PNPLA7: variants seen among roughly 807,000 people sequenced by gnomAD.
PNPLA7 encodes the protein patatin-like phospholipase domain-containing protein 7.
Under a neutral mutation model 161.7 loss-of-function variants are expected in PNPLA7, and 153 were observed. The ratio of observed to expected loss-of-function variants is 0.95; its 90% CI spans 0.83 to 1.08. PNPLA7 has a LOEUF of 1.08. PNPLA7 is among the 50% of genes least tolerant of loss of function. The probability of loss-of-function intolerance (pLI) is 0.00; values close to 1 mark genes in which losing one functional copy is unlikely to be tolerated. For synonymous variants in PNPLA7, 809 were observed against 782.1 expected (o/e 1.03, Z -0.57); for missense variants, 1,739 against 1,856.6 (o/e 0.94, Z 1.16).
chr9:137,508,836 T>A (rs1834053129), intron 12 of PNPLA7: 1 of 152,158 alleles, frequency 6.6e-6, no homozygotes, highest in Admixed American at 6.5e-5. Context: ...ATATACATAC[T>A]TGACAAAGGA....
rs767607961 is a variant in PNPLA7, at chr9:137,500,839, C to T, written c.1609G>A (p.Gly537Ser). The change falls in exon 16 of 35, where the codon GGC becomes AGC. Residue 537 changes from glycine to serine, a missense_variant. Physicochemically the swap from Gly to Ser is moderately conservative, Grantham distance 56 (BLOSUM62 0). Coordinates refer to ENST00000406427, the MANE Select transcript of PNPLA7 (RefSeq NM_001098537.3). This position sits in a 1 kb window ranked among gnomAD's most constrained non-coding sequence, Gnocchi z 5.5. ...AACAAGCAGGTGTCCTCCTGGCTGC[C>T]GATCTTCCGCTGGTACACGTGCAGC... ...GLLHVYQRKI[G>S]SQEDTCLFLT... is the part of the protein sequence containing the mutation. 1.8e-5 allele frequency: 28 copies of T among 1,598,982 alleles called. No individual in the cohort carries two copies. Among genetic ancestry groups the T allele is most frequent in the South Asian group, 2.3e-5 (2 of 88,742 alleles).
chr9:137,548,040 A>G (rs773669139), intron 1 of PNPLA7, among the ~76,000 whole-genome samples: 1 of 152,140 alleles, frequency 6.6e-6, no homozygotes, highest in Admixed American at 6.5e-5. Flanking sequence ...CAAAACCCCT[A>G]TGAGCCATCT....
intron 1 of PNPLA7, among the ~76,000 whole-genome samples, chr9:137,549,211 A>G (rs1026418566): frequency 2.6e-5 from 4 of 152,116 alleles, no homozygotes; most frequent in African/African-American, 9.7e-5. Flanking sequence ...GGCTGGGCAC[A>G]GTGTCTCACG....
chr9:137,509,802 C>CA (rs1834121995), intron 12 of PNPLA7: 2 of 450,436 alleles, frequency 4.4e-6, no homozygotes, highest in Non-Finnish European at 9.0e-6. Flanking sequence ...AGGCAAGAGA[C>CA]AGAGGACACG....
rs1831542724 is a variant in PNPLA7, at chr9:137,467,713, CAG to C, written c.2883-242_2883-241del. ...AGGAGTTCGAGACCAGCCTGGCCAA[CAG>C]GGCAAAATTCCATCTCTACTAAAAA... On this transcript the variant is annotated intron_variant, in intron 25 of 34. Coordinates refer to ENST00000406427, the MANE Select transcript of PNPLA7 (RefSeq NM_001098537.3). This position sits in a 1 kb window ranked among gnomAD's most constrained non-coding sequence, Gnocchi z 5.1. Among the ~76,000 whole-genome samples the C allele has an allele frequency of 6.6e-6, 1 of 152,212 alleles. No individual in the cohort carries two copies. Among genetic ancestry groups the C allele is most frequent in the South Asian group, 2.1e-4 (1 of 4,830 alleles).
At chr9:137,502,369 C>A (rs529041965) in intron 14 of PNPLA7, among the ~76,000 whole-genome samples, 2 of 151,974 alleles carry the variant, frequency 1.3e-5, no homozygotes, top group East Asian at 2.0e-4. Context: ...GGAAAATGAT[C>A]GAAAAACAAA....
intron 33 of PNPLA7, 75 bp downstream of exon 33, chr9:137,461,461 T>TGGGGGGGGGGGGGGGCTGGGGGGGG: frequency 1.7e-6 from 2 of 1,189,066 alleles, no homozygotes; most frequent in East Asian, 4.0e-5. Flanking sequence ...GCCTCTGGGG[T>TGGGGGGGGGGGGGGGCTGGGGGGGG]GGGGGGGTTC....
At chr9:137,473,722 G>A (rs28688977) in intron 25 of PNPLA7, among the ~76,000 whole-genome samples, 3,970 of 152,276 alleles carry the variant, frequency 0.026, 179 homozygotes, top group African/African-American at 0.087. Context: ...ATCAGTCATC[G>A]GAGGGATGCA....
Position 137,540,831 on chromosome 9 carries a change from G to A in PNPLA7, c.667-109C>T, listed in dbSNP as rs1408748280. The A allele has an allele frequency of 3.3e-6, 3 of 909,838 alleles. No individual in the cohort carries two copies. The highest frequency in any genetic ancestry group is 3.4e-6 in the Non-Finnish European group (2 of 579,722). The allele number at this position is 909,838 out of a possible 1,614,324, so 56.4% of individuals were successfully genotyped here. On this transcript the variant is annotated intron_variant, in intron 7 of 34. Coordinates refer to ENST00000406427, the MANE Select transcript of PNPLA7 (RefSeq NM_001098537.3). This position sits in a 1 kb window ranked among gnomAD's most constrained non-coding sequence, Gnocchi z 5.1. ...AGTGGGGCCACGGGCCTGCACCTCT[G>A]AGGCGCCATGAGAGCAGCAGGCACC... is the stretch of plus-strand genomic sequence containing the variant.
At chr9:137,494,320 T>G (rs1402658042) in intron 19 of PNPLA7, among the ~76,000 whole-genome samples, 2 of 151,930 alleles carry the variant, frequency 1.3e-5, no homozygotes, top group Admixed American at 6.6e-5. Context: ...CCCACATCAC[T>G]CATGAGTAGA....
In PNPLA7 at chr9:137,480,455, A is replaced by AGG; in HGVS notation, c.2436_2437insCC (p.Trp813ProfsTer65). 1 of 1,611,958 alleles carries AGG rather than the reference A, an allele frequency of 6.2e-7. No homozygotes were observed. The highest frequency in any genetic ancestry group is 2.2e-5 in the East Asian group (1 of 44,834). On this transcript the variant is annotated frameshift_variant, in exon 23 of 35. Transcript: ENST00000406427. LOFTEE classifies it high-confidence loss of function. ...TGGGTGTCCTCCTGCTGCCCCAGCC[A>AGG]GCTGGACAGCCGGTACTCGTGAACA...
At chr9:137,497,038 A>C in intron 18 of PNPLA7, 149 bp downstream of exon 18, 3 of 1,114,848 alleles carry the variant, frequency 2.7e-6, no homozygotes, top group Non-Finnish European at 3.5e-6. Flanking sequence ...CGGGGCTCAC[A>C]GCAAAGCGGC....
chr9:137,504,554 T>C (rs1833810181), intron 14 of PNPLA7, among the ~76,000 whole-genome samples: 1 of 152,196 alleles, frequency 6.6e-6, no homozygotes, highest in Non-Finnish European at 1.5e-5. Context: ...CTGCAGTGTA[T>C]GGCCCTTACT....
intron 24 of PNPLA7, chr9:137,478,831 C>T (rs559629459): frequency 1.1e-4 from 61 of 578,344 alleles, no homozygotes; most frequent in African/African-American, 8.4e-4. Context: ...GCCCGATGGC[C>T]GCCCTGTGCC....
Position 137,545,690 on chromosome 9 carries a change from T to C in PNPLA7, c.273+1140A>G, listed in dbSNP as rs531218998. Among the ~76,000 whole-genome samples, 216 of 152,216 alleles carry C rather than the reference T, an allele frequency of 1.4e-3. 1 individual carries two copies. The highest frequency in any genetic ancestry group is 3.1e-3 in the East Asian group (16 of 5,186). ...CAATATTATAATAATCCTCACTCTATAATCATAGCCTAGGAAAAACCAGGC... is the reference window on the plus strand; with the variant it reads ...CAATATTATAATAATCCTCACTCTACAATCATAGCCTAGGAAAAACCAGGC... On this transcript the variant is annotated intron_variant, in intron 4 of 34. Transcript: ENST00000406427.
chr9:137,461,353 T>C (rs797011385), intron 33 of PNPLA7, 183 bp downstream of exon 33: 6 of 616,400 alleles, frequency 9.7e-6, no homozygotes, highest in African/African-American at 9.3e-5. Flanking sequence ...ACAGTCCCAC[T>C]GCTGTGGGAA....
At chr9:137,504,035 GGAAGAAGAAAGAAGAAGGAA>G (rs1448011945) in intron 14 of PNPLA7, among the ~76,000 whole-genome samples, 17 of 101,462 alleles carry the variant, frequency 1.7e-4, no homozygotes, top group Non-Finnish European at 2.2e-4. Context: ...GGAGGAGGAA[GGAAGAAGAAAGAAGAAGGAA>G]GAAGAAGAAA....
intron 12 of PNPLA7, among the ~76,000 whole-genome samples, chr9:137,508,183 A>G (rs1198016442): frequency 6.6e-6 from 1 of 151,998 alleles, no homozygotes; most frequent in East Asian, 1.9e-4. Context: ...TTGTGATTTC[A>G]CCACTGCACC....
At chr9:137,546,470 G>A (rs1206548044) in intron 4 of PNPLA7, among the ~76,000 whole-genome samples, 1 of 152,118 alleles carries the variant, frequency 6.6e-6, no homozygotes, top group Non-Finnish European at 1.5e-5. Flanking sequence ...CCGCACAGGG[G>A]GAGAAACCCA....
Sources: allele counts gnomAD v4.1 joint callset (sites outside exome capture counted in the v4.1 genomes callset), GRCh38; gene constraint gnomAD v4.1.1; non-coding constraint Gnocchi (gnomAD v3.1); transcripts MANE v1.5; gene names NCBI Gene and HGNC (gene_info 2026-07-23, HGNC 2026-07-21).